The following SGCE variants were observed in gnomAD, a reference collection of about 807,000 sequenced individuals.
SGCE encodes the protein epsilon-sarcoglycan.
In SGCE, 26 loss-of-function variants were observed where a neutral mutation model predicts 57.8. The ratio of observed to expected loss-of-function variants is 0.45; its 90% CI spans 0.33 to 0.62. The LOEUF is 0.62. SGCE is among the 20% of genes least tolerant of loss of function. The probability of loss-of-function intolerance (pLI) is 0.02; values close to 1 mark genes in which losing one functional copy is unlikely to be tolerated. For missense variants in SGCE, 468 were observed against 548.6 expected (o/e 0.85, Z 1.47); for synonymous variants, 183 against 189.5 (o/e 0.97, Z 0.28).
Position 94,623,377 on chromosome 7 carries a change from G to A in SGCE, c.411C>T (p.Arg137=). 1.2e-6 allele frequency: 2 copies of A among 1,604,840 alleles called. No individual in the cohort carries two copies. Among genetic ancestry groups the A allele is most frequent in the African/African-American group, 1.3e-5 (1 of 74,792 alleles). ...AATTATGCCTTGCAGTCTCAAAGGT[G>A]CGCCTGTTGTAGGCAGTTATCTATT... ...TIIEITAYNR[R]TFETARHNLI... is the part of the protein sequence containing the mutation. The change falls in exon 4 of 11, where the codon CGC becomes CGT. Residue 137 remains arginine (R), a synonymous_variant. Transcript: ENST00000648936.
chr7:94,589,277 T>A (rs1165530968), intron 9 of SGCE: 8 of 160,610 alleles, frequency 5.0e-5, no homozygotes, highest in Non-Finnish European at 1.1e-4. Flanking sequence ...TTCCCTCTCC[T>A]TCAGTCCCCA....
chr7:94,653,717 T>C (rs1337237539), intron 1 of SGCE, among the ~76,000 whole-genome samples: 1 of 152,028 alleles, frequency 6.6e-6, no homozygotes, highest in Non-Finnish European at 1.5e-5. Flanking sequence ...TTTTTTCCCT[T>C]AGAAAATTCT....
intron 10 of SGCE, chr7:94,588,458 C>G: frequency 7.5e-7 from 1 of 1,341,908 alleles, no homozygotes; most frequent in Non-Finnish European, 9.6e-7. Flanking sequence ...TAGACAGGAC[C>G]TCCATGGATG....
At chr7:94,655,744 A>G (rs1333087409) in intron 1 of SGCE, among the ~76,000 whole-genome samples, 1 of 146,664 alleles carries the variant, frequency 6.8e-6, no homozygotes, top group Non-Finnish European at 1.5e-5. Flanking sequence ...CTGCGCCCGC[A>G]GAGCAGGGAG....
intron 1 of SGCE, among the ~76,000 whole-genome samples, chr7:94,648,262 C>A (rs1807381864): frequency 6.6e-6 from 1 of 150,810 alleles, no homozygotes; most frequent in African/African-American, 2.4e-5. Flanking sequence ...GTAATCCCAG[C>A]TATTTGGGAG....
At chr7:94,614,106 T>TAAAAAAAA (rs1562832897) in intron 5 of SGCE, among the ~76,000 whole-genome samples, 3 of 55,148 alleles carry the variant, frequency 5.4e-5, no homozygotes, top group Admixed American at 1.7e-4. Context: ...CAAATTGAAA[T>TAAAAAAAA]CAAAAAAAAA....
At chr7:94,589,334 G>A (rs1229579417) in intron 9 of SGCE, 3 of 156,518 alleles carry the variant, frequency 1.9e-5, no homozygotes, top group African/African-American at 7.3e-5. Flanking sequence ...GTCTCATTTG[G>A]ATCTGCCCCA....
At chr7:94,619,150 T>C (rs1802382899) in intron 4 of SGCE, 194 bp from the exon 5 acceptor site, 2 of 580,316 alleles carry the variant, frequency 3.4e-6, no homozygotes, top group Admixed American at 5.8e-5. Flanking sequence ...AAACAGAACT[T>C]TATCTACAAT....
chr7:94,628,394 G>GT (rs1804106472), intron 2 of SGCE, 35 bp from the exon 3 acceptor site: 4 of 1,545,618 alleles, frequency 2.6e-6, no homozygotes, highest in Non-Finnish European at 3.6e-6. Flanking sequence ...ACATAAGACA[G>GT]TTATTTTCAC....
intron 1 of SGCE, among the ~76,000 whole-genome samples, chr7:94,651,816 A>T (rs1177709113): frequency 6.6e-6 from 1 of 152,182 alleles, no homozygotes; most frequent in Non-Finnish European, 1.5e-5. Flanking sequence ...ATCCATGTGA[A>T]ATAGCATTTA....
intron 5 of SGCE, among the ~76,000 whole-genome samples, chr7:94,615,624 A>G (rs1801813024): frequency 6.6e-6 from 1 of 152,190 alleles, no homozygotes; most frequent in African/African-American, 2.4e-5. Context: ...GAGATGGTCT[A>G]GAGAATAAAA....
At chr7:94,619,621 T>A (rs185674615) in intron 4 of SGCE, 29 of 152,382 alleles carry the variant, frequency 1.9e-4, no homozygotes, top group Admixed American at 1.7e-3. Flanking sequence ...TATATTCTAA[T>A]TGTTCTCTTA....
chr7:94,599,216 T>C, intron 8 of SGCE: 1 of 415,072 alleles, frequency 2.4e-6, no homozygotes. Flanking sequence ...ATTGTATTAA[T>C]ATTACTGTCC....
intron 1 of SGCE, among the ~76,000 whole-genome samples, chr7:94,636,113 T>C (rs1428118555): frequency 6.6e-6 from 1 of 152,202 alleles, no homozygotes; most frequent in Non-Finnish European, 1.5e-5. Context: ...CATGATATTT[T>C]CCCCAACTAA....
chr7:94,624,047 A>T (rs1803280622), intron 3 of SGCE: 1 of 394,378 alleles, frequency 2.5e-6, no homozygotes, highest in African/African-American at 2.1e-5. Flanking sequence ...ATTCAGAAAC[A>T]GCCAGTGCAA....
intron 4 of SGCE, chr7:94,622,620 A>C (rs1802983256): frequency 6.7e-6 from 1 of 148,712 alleles, no homozygotes; most frequent in South Asian, 2.1e-4. Context: ...CGAGAGCAAG[A>C]CTCCATCTCA....
chr7:94,653,802 G>C (rs1333302251), intron 1 of SGCE, among the ~76,000 whole-genome samples: 1 of 151,914 alleles, frequency 6.6e-6, no homozygotes. Context: ...AGTGAGATGG[G>C]AGAAAATTCT....
chr7:94,605,684 G>A (rs572915054), intron 5 of SGCE, among the ~76,000 whole-genome samples: 1 of 152,142 alleles, frequency 6.6e-6, no homozygotes, highest in South Asian at 2.1e-4. Context: ...TACAACTGAT[G>A]TGTTAAAAGA....
intron 1 of SGCE, among the ~76,000 whole-genome samples, chr7:94,638,590 A>G (rs1440448174): frequency 6.6e-6 from 1 of 151,850 alleles, no homozygotes; most frequent in Non-Finnish European, 1.5e-5. Context: ...TATTCTGCTG[A>G]GGTTCATGAA....
Sources: allele counts gnomAD v4.1 joint callset (sites outside exome capture counted in the v4.1 genomes callset), GRCh38; gene constraint gnomAD v4.1.1; transcripts MANE v1.5; gene names NCBI Gene and HGNC (gene_info 2026-07-23, HGNC 2026-07-21).